CNOT3: variants seen among roughly 807,000 people sequenced by gnomAD.
CNOT3 encodes the protein CCR4-NOT transcription complex subunit 3.
A neutral mutation model predicts 89.4 loss-of-function variants in CNOT3; 2 were observed. That is an observed-to-expected ratio of 0.02 (90% CI 0.01 to 0.07). CNOT3 has a LOEUF of 0.07. Among genes scored for constraint, CNOT3 ranks in the 10% least tolerant of loss-of-function variants. The pLI is 1.00. For missense variants in CNOT3, 664 were observed against 1,010.2 expected (o/e 0.66, Z 4.65); for synonymous variants, 486 against 402.0 (o/e 1.21, Z -2.50).
At chr19:54,138,028 T>C (rs1174377742) in intron 1 of CNOT3, 35 bp downstream of exon 1, 1 of 151,938 alleles carries the variant, frequency 6.6e-6, no homozygotes. Flanking sequence ...CCGGACCCCT[T>C]CCCTTCCTCC....
rs971897825 is a variant in CNOT3 at position 54,148,234 on chromosome 19, C to T, written c.981C>T (p.Pro327=). ...TGCCGCCCACCTACCCCTCCGGCCCCCCGCCTGCTGCCTCTGCCTTGAGCA... is the reference window on the plus strand; with the variant it reads ...TGCCGCCCACCTACCCCTCCGGCCCTCCGCCTGCTGCCTCTGCCTTGAGCA... The part of the protein sequence containing the change: ...PAVPPTYPSG[P]PPAASALSTT... Residue 327 remains proline, a synonymous_variant, in exon 11 of 18, where the codon CCC becomes CCT. Coordinates refer to ENST00000221232, the MANE Select transcript of CNOT3 (RefSeq NM_014516.4). The surrounding 1 kb of genome is among the most constrained non-coding windows in gnomAD (Gnocchi z 6.3). The T allele has an allele frequency of 3.1e-6, 5 of 1,601,238 alleles. No homozygotes were observed. The highest frequency in any genetic ancestry group is 1.7e-4 in the Middle Eastern group (1 of 6,054).
rs778962603 is a variant in CNOT3, at chr19:54,150,477, G to A, written c.1605+719G>A. Among the ~76,000 whole-genome samples, 8 of 150,636 alleles carry A rather than the reference G, an allele frequency of 5.3e-5. No homozygotes were observed. In the South Asian group the frequency reaches 6.3e-4, roughly 12 times the overall value. On this transcript the variant is annotated intron_variant, in intron 13 of 17. Coordinates refer to ENST00000221232, the MANE Select transcript of CNOT3 (RefSeq NM_014516.4). Reference sequence around the variant, plus strand: ...GATAGTGGGTGTAGCAGGATAGGACGGTGGGGTCCTGATCATCGAGGGTCA... The same window carrying A: ...GATAGTGGGTGTAGCAGGATAGGACAGTGGGGTCCTGATCATCGAGGGTCA...
In CNOT3 at chr19:54,148,837, C is replaced by T; in HGVS notation, c.1406+94C>T. 3 of 1,151,550 alleles carry T rather than the reference C, an allele frequency of 2.6e-6. No homozygotes were observed. Among genetic ancestry groups the T allele is most frequent in the Non-Finnish European group, 3.7e-6 (3 of 820,240 alleles). The allele number at this position is 1,151,550 out of a possible 1,614,324, so 71.3% of individuals were successfully genotyped here. A position where few individuals can be genotyped will look rare whatever the true frequency, so the allele number is the denominator to read the frequency against. ...CCCCCGCATCGGTGGGTTCTGAACC[C>T]CCCGCCCTTGCTGCTGGGAATGGCC... is the stretch of plus-strand genomic sequence containing the variant. On this transcript the variant is annotated intron_variant, in intron 12 of 17. Coordinates refer to ENST00000221232, the MANE Select transcript of CNOT3 (RefSeq NM_014516.4). The surrounding 1 kb of genome is among the most constrained non-coding windows in gnomAD (Gnocchi z 6.3).
intron 9 of CNOT3, 115 bp from the exon 10 acceptor site, chr19:54,146,486 T>A: frequency 1.3e-6 from 1 of 743,416 alleles, no homozygotes; most frequent in Non-Finnish European, 2.5e-6. Context: ...TGACCAGCTC[T>A]GGGGCCGCAA....
At chr19:54,141,727 G>T (rs1331467133) in intron 1 of CNOT3, 1 of 152,202 alleles carries the variant, frequency 6.6e-6, no homozygotes, top group Admixed American at 6.5e-5. Context: ...TGTCTTTACA[G>T]TAAGTGACTA....
intron 17 of CNOT3, 90 bp downstream of exon 17, chr19:54,153,930 C>T (rs2075281434): frequency 2.6e-6 from 4 of 1,541,552 alleles, no homozygotes; most frequent in Non-Finnish European, 3.6e-6. Context: ...TGCTCCCTTG[C>T]CTCCACCTTT....
At chr19:54,151,152 A>G (rs1221360493) in intron 13 of CNOT3, among the ~76,000 whole-genome samples, 4 of 152,164 alleles carry the variant, frequency 2.6e-5, no homozygotes, top group African/African-American at 9.7e-5. Flanking sequence ...GAAAAAGGGA[A>G]ACAGCAGCTT....
Position 54,153,357 on chromosome 19 carries a change from G to C in CNOT3, c.2037+358G>C, listed in dbSNP as rs377104067. On this transcript the variant is annotated intron_variant, in intron 16 of 17. Coordinates refer to ENST00000221232, the MANE Select transcript of CNOT3 (RefSeq NM_014516.4). The stretch of plus-strand genomic sequence containing the variant: ...TGGCACATTCTCAGGCCTCCCTGGA[G>C]ACCACTGGGGAGCTGTCCAGCCCCC... The C allele has an allele frequency of 2.8e-4, 216 of 763,186 alleles. 1 individual carries two copies. In the Middle Eastern group the frequency reaches 6.5e-3, roughly 23 times the overall value. The allele number at this position is 763,186 out of a possible 1,614,324, so 47.3% of individuals were successfully genotyped here.
At chr19:54,138,687 A>T (rs1274313026) in intron 1 of CNOT3, among the ~76,000 whole-genome samples, 3 of 151,372 alleles carry the variant, frequency 2.0e-5, no homozygotes, top group African/African-American at 7.3e-5. Context: ...TGGAGGAGAA[A>T]CTCCCCGTTA....
intron 10 of CNOT3, among the ~76,000 whole-genome samples, chr19:54,146,996 G>T (rs2074709549): frequency 6.6e-6 from 1 of 152,196 alleles, no homozygotes; most frequent in African/African-American, 2.4e-5. Context: ...AGTGAGGAGA[G>T]ATGAGTCTGG....
In CNOT3 at chr19:54,145,212, G is replaced by A. The variant is rs1426038379; in HGVS notation, c.484-386G>A. ...GTTATCATTGTTACTGCTGGAGCAG[G>A]TCGGAGGGTATCTGTATGCCAGAGG... On this transcript the variant is annotated intron_variant, in intron 7 of 17. Transcript: ENST00000221232. The surrounding 1 kb of genome is among the most constrained non-coding windows in gnomAD (Gnocchi z 5.9). Among the ~76,000 whole-genome samples, 1 of 152,292 alleles carries A rather than the reference G, an allele frequency of 6.6e-6. No individual in the cohort carries two copies. The highest frequency in any genetic ancestry group is 1.9e-4 in the East Asian group (1 of 5,184).
In CNOT3 at chr19:54,145,625, C is replaced by T. The variant is rs2074633860; in HGVS notation, c.511C>T (p.Arg171Trp). Residue 171 changes from arginine (R) to tryptophan (W), a missense_variant, in exon 8 of 18, where the codon CGG becomes TGG. Physicochemically the swap from Arg to Trp is moderately radical, Grantham distance 101. This residue lies in a region of CNOT3 where 37 missense variants were observed against 79.5 expected (regional missense o/e 0.47). Transcript: ENST00000221232. This position sits in a 1 kb window ranked among gnomAD's most constrained non-coding sequence, Gnocchi z 5.9. ...DKQDRIEGLK[R>W]HIEKHRYHVR... is the part of the protein sequence containing the mutation. Reference sequence around the variant, plus strand: ...GCAGGACCGGATTGAGGGCTTGAAGCGGCACATCGAGAAGCACCGCTACCA... The same window carrying T: ...GCAGGACCGGATTGAGGGCTTGAAGTGGCACATCGAGAAGCACCGCTACCA... The T allele has an allele frequency of 6.2e-6, 10 of 1,613,476 alleles. No homozygotes were observed. The highest frequency in any genetic ancestry group is 7.6e-6 in the Non-Finnish European group (9 of 1,179,716).
chr19:54,146,050 C>T lies in CNOT3; in HGVS notation c.837+7C>T. Reference sequence around the variant, plus strand: ...CCCAGCCAACTGTACCACGGTGAGGCCCCACGGGACACTAGTACCTTGTGT... The same window carrying T: ...CCCAGCCAACTGTACCACGGTGAGGTCCCACGGGACACTAGTACCTTGTGT... On this transcript the variant is annotated splice_region_variant and intron_variant, in intron 9 of 17. Transcript: ENST00000221232. 1.2e-6 allele frequency: 2 copies of T among 1,612,020 alleles called. No homozygotes were observed. Among genetic ancestry groups the T allele is most frequent in the East Asian group, 2.2e-5 (1 of 44,870 alleles).
chr19:54,150,626 G>A (rs587639840), intron 13 of CNOT3, among the ~76,000 whole-genome samples: 2 of 151,772 alleles, frequency 1.3e-5, no homozygotes, highest in African/African-American at 2.4e-5. Flanking sequence ...GGCAGTGTGC[G>A]CGCCCAGGCT....
At chr19:54,138,732 T>C (rs1475500840) in intron 1 of CNOT3, among the ~76,000 whole-genome samples, 1 of 152,208 alleles carries the variant, frequency 6.6e-6, no homozygotes, top group East Asian at 1.9e-4. Flanking sequence ...ACCTCTGTAG[T>C]CTGCAGCTCT....
Position 54,152,536 on chromosome 19 carries a change from T to G in CNOT3, c.1814T>G (p.Val605Gly), listed in dbSNP as rs2075178042. 2 of 1,614,002 alleles carry G rather than the reference T, an allele frequency of 1.2e-6. No individual in the cohort carries two copies. Among genetic ancestry groups the G allele is most frequent in the Admixed American group, 1.7e-5 (1 of 60,002 alleles). ...CTGGGTGTCTGTCCACTGGGCCCTG[T>G]GCCCCTCACCAAGGAGCAGCTCTAT... ...LSLGVCPLGP[V>G]PLTKEQLYQQ... Residue 605 changes from valine to glycine, a missense_variant, in exon 15 of 18, where the codon GTG becomes GGG. Val to Gly is a moderately radical substitution (Grantham distance 109). This residue lies in a region of CNOT3 where 545 missense variants were observed against 566.2 expected (regional missense o/e 0.96). Transcript: ENST00000221232.
chr19:54,152,593 A>T lies in CNOT3; in HGVS notation c.1871A>T (p.His624Leu). The change falls in exon 15 of 18, where the codon CAC (histidine) becomes CTC (leucine). Residue 624 changes from histidine to leucine, a missense_variant. By Grantham distance (99) the His-to-Leu change is moderately conservative (BLOSUM62 -3). This residue lies in a region of CNOT3 where 545 missense variants were observed against 566.2 expected (regional missense o/e 0.96). Transcript: ENST00000221232. ...GCCATGGAAGAGGCCGCCTGGCACC[A>T]CATGCCTCACCCCTCTGACTCTGAG... The part of the protein sequence containing the change: ...QQAMEEAAWH[H>L]MPHPSDSERI... The T allele has an allele frequency of 6.2e-7, 1 of 1,613,806 alleles. No homozygotes were observed. Among genetic ancestry groups the T allele is most frequent in the Non-Finnish European group, 8.5e-7 (1 of 1,179,874 alleles).
chr19:54,139,316 A>G (rs1173937299), intron 1 of CNOT3, among the ~76,000 whole-genome samples: 2 of 152,106 alleles, frequency 1.3e-5, no homozygotes, highest in African/African-American at 4.8e-5. Flanking sequence ...ACTGCCCTTG[A>G]TATTTGCATC....
At chr19:54,152,784 C>T (rs80047999) in intron 15 of CNOT3, 83 bp from the exon 16 acceptor site, 23,013 of 846,816 alleles carry the variant, frequency 0.027, 431 homozygotes, top group Non-Finnish European at 0.037. Context: ...CACCTCCCCC[C>T]GCAGGGATGC....
Sources: allele counts gnomAD v4.1 joint callset (sites outside exome capture counted in the v4.1 genomes callset), GRCh38; gene constraint gnomAD v4.1.1; regional missense constraint gnomAD v4.1.1; non-coding constraint Gnocchi (gnomAD v3.1); transcripts MANE v1.5; gene names NCBI Gene and HGNC (gene_info 2026-07-23, HGNC 2026-07-21).